The following KATNIP variants were observed in gnomAD, a reference collection of about 807,000 sequenced individuals.
KATNIP encodes katanin-interacting protein.
A neutral mutation model predicts 174.0 loss-of-function variants in KATNIP; 126 were observed. The observed-to-expected ratio is 0.72, with a 90% CI of 0.63 to 0.84. KATNIP has a LOEUF of 0.84. Among genes scored for constraint, KATNIP ranks in the 40% least tolerant of loss-of-function variants. The pLI, the probability that KATNIP is intolerant of heterozygous loss-of-function variation, is 0.00. For synonymous variants in KATNIP, 810 were observed against 835.7 expected (o/e 0.97, Z 0.53); for missense variants, 1,958 against 2,109.7 (o/e 0.93, Z 1.41).
intron 2 of KATNIP, among the ~76,000 whole-genome samples, chr16:27,576,344 T>C (rs2090495625): frequency 6.6e-6 from 1 of 152,154 alleles, no homozygotes; most frequent in East Asian, 1.9e-4. Flanking sequence ...ATACCCAGGC[T>C]TAACCTGGAA....
chr16:27,655,799 C>T (rs918397216), intron 6 of KATNIP, among the ~76,000 whole-genome samples: 1 of 152,218 alleles, frequency 6.6e-6, no homozygotes, highest in African/African-American at 2.4e-5. Context: ...GAAGCCCAGG[C>T]TCATGACTCC....
At chr16:27,602,916 A>T (rs997522581) in intron 2 of KATNIP, among the ~76,000 whole-genome samples, 1 of 152,124 alleles carries the variant, frequency 6.6e-6, no homozygotes, top group East Asian at 1.9e-4. Context: ...CCAGGCTGGT[A>T]TTGAACTCCT....
At chr16:27,689,053 C>A (rs2078623317) in intron 8 of KATNIP, among the ~76,000 whole-genome samples, 1 of 152,202 alleles carries the variant, frequency 6.6e-6, no homozygotes, top group Admixed American at 6.5e-5. Context: ...CTGAAGGAAA[C>A]CATAGGTGCT....
intron 2 of KATNIP, among the ~76,000 whole-genome samples, chr16:27,600,875 A>G (rs766154208): frequency 6.6e-6 from 1 of 151,942 alleles, no homozygotes; most frequent in Non-Finnish European, 1.5e-5. Context: ...GATTACAGGC[A>G]CACACCACCA....
At chr16:27,744,991 A>G (rs1202974517) in intron 15 of KATNIP, among the ~76,000 whole-genome samples, 1 of 152,236 alleles carries the variant, frequency 6.6e-6, no homozygotes, top group Non-Finnish European at 1.5e-5. Flanking sequence ...TAGGGAATTT[A>G]TGAAAATCAA....
intron 4 of KATNIP, among the ~76,000 whole-genome samples, chr16:27,629,923 GGAC>G (rs2076436832): frequency 6.6e-6 from 1 of 152,190 alleles, no homozygotes; most frequent in Admixed American, 6.5e-5. Flanking sequence ...TGAGGCAGGA[GGAC>G]TGACTGGGCC....
chr16:27,662,067 TATATACACAC>T (rs1216685526), intron 6 of KATNIP, among the ~76,000 whole-genome samples: 12 of 93,420 alleles, frequency 1.3e-4, no homozygotes, highest in Non-Finnish European at 2.0e-4. Flanking sequence ...TATATATATA[TATATACACAC>T]ATATATATAT....
intron 12 of KATNIP, among the ~76,000 whole-genome samples, chr16:27,704,239 A>G (rs1234128051): frequency 6.6e-6 from 1 of 152,184 alleles, no homozygotes; most frequent in African/African-American, 2.4e-5. Flanking sequence ...GGAAATATAA[A>G]TAGCGTGGAA....
chr16:27,742,438 C>T (rs879748451), intron 15 of KATNIP, among the ~76,000 whole-genome samples: 2 of 152,184 alleles, frequency 1.3e-5, no homozygotes, highest in Admixed American at 1.3e-4. Flanking sequence ...CTAGCTTGGA[C>T]GAGGTCCTTT....
chr16:27,632,372 G>A (rs770782373), intron 5 of KATNIP: 93 of 246,086 alleles, frequency 3.8e-4, no homozygotes, highest in Non-Finnish European at 5.9e-4. Context: ...AATAGGTGGC[G>A]CAATATACAT....
Position 27,776,655 on chromosome 16 carries a change from C to A in KATNIP, c.4450-273C>A, listed in dbSNP as rs2082508718. On this transcript the variant is annotated intron_variant, in intron 24 of 27. Transcript: ENST00000261588. This position sits in a 1 kb window ranked among gnomAD's most constrained non-coding sequence, Gnocchi z 4.7. ...GGGGAGGGCCGAGGATGTTCCCAAT[C>A]CTCCACTGGCATTTAAATGAGGGCT... Among the ~76,000 whole-genome samples the A allele has an allele frequency of 6.6e-6, 1 of 152,220 alleles. No homozygotes were observed. The highest frequency in any genetic ancestry group is 2.4e-5 in the African/African-American group (1 of 41,450).
intron 6 of KATNIP, among the ~76,000 whole-genome samples, chr16:27,653,563 A>G (rs1472027399): frequency 6.6e-6 from 1 of 151,410 alleles, no homozygotes; most frequent in Admixed American, 6.6e-5. Context: ...GGGTTACCAT[A>G]TAAATGACCT....
At chr16:27,604,443 C>T (rs1452660410) in intron 2 of KATNIP, among the ~76,000 whole-genome samples, 2 of 152,162 alleles carry the variant, frequency 1.3e-5, no homozygotes, top group Non-Finnish European at 2.9e-5. Context: ...CTGTGTTGTC[C>T]AGGCTGGTCT....
chr16:27,665,641 C>T (rs1436864246), intron 6 of KATNIP, among the ~76,000 whole-genome samples: 1 of 151,650 alleles, frequency 6.6e-6, no homozygotes, highest in Non-Finnish European at 1.5e-5. Context: ...CACTCTTTCC[C>T]CCAGGCTGGA....
Position 27,647,001 on chromosome 16 carries a change from A to G in KATNIP, c.409-1603A>G, listed in dbSNP as rs539092171. Among the ~76,000 whole-genome samples the G allele has an allele frequency of 2.6e-5, 4 of 152,264 alleles. 1 individual carries two copies. The highest frequency in any genetic ancestry group is 9.6e-5 in the African/African-American group (4 of 41,566). ...AGGAAACACCTAGAAGATGCAATGC[A>G]CATCCCTCCCTCCCACCCACAGCTT... On this transcript the variant is annotated intron_variant, in intron 5 of 27. Coordinates refer to ENST00000261588, the MANE Select transcript of KATNIP (RefSeq NM_015202.5).
intron 27 of KATNIP, 60 bp downstream of exon 27, chr16:27,778,029 G>A: frequency 6.7e-7 from 1 of 1,491,022 alleles, no homozygotes; most frequent in Non-Finnish European, 9.3e-7. Context: ...GAATATAGAA[G>A]GAGCTGGTGG....
chr16:27,624,158 A>G (rs1361177581), intron 3 of KATNIP, among the ~76,000 whole-genome samples: 1 of 151,664 alleles, frequency 6.6e-6, no homozygotes, highest in Non-Finnish European at 1.5e-5. Flanking sequence ...CTGCAGGCCC[A>G]GCACTTTTGT....
At chr16:27,612,095 G>A (rs2075908385) in intron 2 of KATNIP, among the ~76,000 whole-genome samples, 1 of 152,180 alleles carries the variant, frequency 6.6e-6, no homozygotes, top group Non-Finnish European at 1.5e-5. Flanking sequence ...GGATGGTGCT[G>A]TTTTGGAAAT....
chr16:27,749,142 C>T (rs1430112420), intron 15 of KATNIP, among the ~76,000 whole-genome samples: 4 of 152,240 alleles, frequency 2.6e-5, no homozygotes, highest in Non-Finnish European at 5.9e-5. Context: ...TGGGGAGCGA[C>T]TCCTGGCAAA....
Sources: allele counts gnomAD v4.1 joint callset (sites outside exome capture counted in the v4.1 genomes callset), GRCh38; gene constraint gnomAD v4.1.1; non-coding constraint Gnocchi (gnomAD v3.1); transcripts MANE v1.5; gene names NCBI Gene and HGNC (gene_info 2026-07-23, HGNC 2026-07-21).